The following FOCAD variants were observed in gnomAD, a reference collection of about 807,000 sequenced individuals.
FOCAD encodes the protein focadhesin.
Under a neutral mutation model 225.6 loss-of-function variants are expected in FOCAD, and 198 were observed. The observed-to-expected ratio is 0.88, with a 90% CI of 0.78 to 0.99. The LOEUF (loss-of-function observed/expected upper bound fraction) is 0.99. FOCAD is among the 50% of genes least tolerant of loss of function. The probability of loss-of-function intolerance (pLI) is 0.00; values close to 1 mark genes in which losing one functional copy is unlikely to be tolerated. For synonymous variants in FOCAD, 897 were observed against 755.0 expected, an observed-to-expected ratio of 1.19 and a Z score of -3.08; for missense variants, 2,713 against 2,123.6, an observed-to-expected ratio of 1.28 and a Z score of -5.46.
At chr9:20,947,827 G>A (rs1837324255) in intron 30 of FOCAD, among the ~76,000 whole-genome samples, 1 of 151,980 alleles carries the variant, frequency 6.6e-6, no homozygotes, top group Non-Finnish European at 1.5e-5. Flanking sequence ...CTGTTTTATG[G>A]TTATATACCC....
chr9:20,959,624 G>C (rs1450929744), intron 35 of FOCAD, among the ~76,000 whole-genome samples: 1 of 152,006 alleles, frequency 6.6e-6, no homozygotes, highest in Non-Finnish European at 1.5e-5. Context: ...GTGTCCTGAA[G>C]CATTTCTCCT....
intron 24 of FOCAD, among the ~76,000 whole-genome samples, chr9:20,919,945 A>G (rs1164494434): frequency 3.9e-5 from 6 of 151,968 alleles, no homozygotes; most frequent in Admixed American, 3.9e-4. Flanking sequence ...TGGCAACAAA[A>G]GCCAAAATTG....
intron 11 of FOCAD, among the ~76,000 whole-genome samples, chr9:20,814,182 A>G (rs1204355194): frequency 1.3e-5 from 2 of 152,110 alleles, no homozygotes; most frequent in East Asian, 1.9e-4. Flanking sequence ...ATCCATTTAC[A>G]TTGAAAGTAC....
chr9:20,922,225 G>C (rs1391956587), intron 24 of FOCAD, among the ~76,000 whole-genome samples: 1 of 152,138 alleles, frequency 6.6e-6, no homozygotes, highest in Non-Finnish European at 1.5e-5. Context: ...AACCCAGGTT[G>C]GGGCCATCTG....
upstream of FOCAD, among the ~76,000 whole-genome samples, chr9:20,655,920 A>G (rs1821469438): frequency 6.6e-6 from 1 of 152,060 alleles, no homozygotes; most frequent in Non-Finnish European, 1.5e-5. Flanking sequence ...ATTTAGTGCT[A>G]TAAATTTCCC....
rs148762677 is a variant in FOCAD at position 20,817,794 on chromosome 9, A to G, written c.1456-2002A>G. On this transcript the variant is annotated intron_variant, in intron 11 of 43. Transcript: ENST00000338382. Reference sequence around the variant, plus strand: ...ATTTTGTTTATTCATCAGTTGATGGACATTGGGTTGTTTCCACTTTTTGGC... The same window carrying G: ...ATTTTGTTTATTCATCAGTTGATGGGCATTGGGTTGTTTCCACTTTTTGGC... Among the ~76,000 whole-genome samples the G allele has an allele frequency of 4.6e-5, 7 of 152,194 alleles. No homozygotes were observed. The East Asian group carries it at 1.4e-3, about 30-fold the overall frequency.
At chr9:20,706,908 C>A (rs756944827) in intron 1 of FOCAD, among the ~76,000 whole-genome samples, 5 of 152,168 alleles carry the variant, frequency 3.3e-5, no homozygotes, top group African/African-American at 1.2e-4. Context: ...TCTTCATGTG[C>A]GTGGTTGTGT....
At chr9:20,889,379 G>A (rs989806427) in intron 21 of FOCAD, among the ~76,000 whole-genome samples, 1 of 152,072 alleles carries the variant, frequency 6.6e-6, no homozygotes. Flanking sequence ...CCATCTTTCA[G>A]CTAATGGATC....
intron 2 of FOCAD, among the ~76,000 whole-genome samples, chr9:20,678,455 A>G (rs28606656): frequency 0.21 from 32,567 of 152,062 alleles, 3,786 homozygotes; most frequent in African/African-American, 0.31. Flanking sequence ...CTAGGAAACC[A>G]CAGGATCCTG....
At chr9:20,710,897 G>T (rs12376200) in intron 1 of FOCAD, among the ~76,000 whole-genome samples, 1 of 152,122 alleles carries the variant, frequency 6.6e-6, no homozygotes, top group Admixed American at 6.5e-5. Context: ...ATAGTTTTAT[G>T]TACTGGGAGT....
At position 20,961,379 on chromosome 9, in the gene FOCAD, A is replaced by G. The variant is rs530401625; in HGVS notation, c.4132+8314A>G. On this transcript the variant is annotated intron_variant, in intron 35 of 43. Transcript: ENST00000338382. ...TGTGTCCTTTTGACATGACCCCCTC[A>G]TTCTTTGACTGCTTCCTTTGTGGCA... Among the ~76,000 whole-genome samples the G allele has an allele frequency of 5.2e-4, 79 of 152,198 alleles. 1 individual carries two copies. The highest frequency in any genetic ancestry group is 1.8e-3 in the African/African-American group (76 of 41,520).
chr9:20,788,136 A>C (rs868899), intron 10 of FOCAD, among the ~76,000 whole-genome samples: 1 of 152,160 alleles, frequency 6.6e-6, no homozygotes. Flanking sequence ...ATTTGGCAAT[A>C]AAAAGAAATG....
intron 20 of FOCAD, among the ~76,000 whole-genome samples, chr9:20,884,315 T>C (rs914775698): frequency 2.6e-5 from 4 of 152,196 alleles, no homozygotes; most frequent in African/African-American, 9.6e-5. Flanking sequence ...CGTTTATATT[T>C]TGAGACAGAG....
chr9:20,966,522 A>G (rs1839270935), intron 35 of FOCAD, among the ~76,000 whole-genome samples: 1 of 152,152 alleles, frequency 6.6e-6, no homozygotes, highest in Non-Finnish European at 1.5e-5. Flanking sequence ...TAACTTCGAC[A>G]GAGTCCAATT....
Position 20,791,607 on chromosome 9 carries a change from C to G in FOCAD, c.1455+1999C>G, listed in dbSNP as rs889719197. 2.0e-5 allele frequency among the ~76,000 whole-genome samples: 3 copies of G among 152,066 alleles called. No individual in the cohort carries two copies. The South Asian group carries it at 6.2e-4, about 32-fold the overall frequency. ...TTCCTCTGTGAATTAGCTGGAAGCCCAAAGCCTTATAACCTTATATTCAAA... is the reference window on the plus strand; with the variant it reads ...TTCCTCTGTGAATTAGCTGGAAGCCGAAAGCCTTATAACCTTATATTCAAA... On this transcript the variant is annotated intron_variant, in intron 11 of 43. Transcript: ENST00000338382.
At position 20,716,981 on chromosome 9, in the gene FOCAD, A is replaced by G. The variant is rs186258921; in HGVS notation, c.58-813A>G. 4.5e-4 allele frequency among the ~76,000 whole-genome samples: 68 copies of G among 152,352 alleles called. No individual in the cohort carries two copies. The East Asian group carries it at 0.011, about 25-fold the overall frequency. ...CAACTTGCAATTCCTGGTCAGTTCC[A>G]TTCAATGAAATATGGTATGTTTTGT... On this transcript the variant is annotated intron_variant, in intron 2 of 43. Coordinates refer to ENST00000338382, the MANE Select transcript of FOCAD (RefSeq NM_001375567.1).
intron 2 of FOCAD, among the ~76,000 whole-genome samples, chr9:20,675,611 C>T (rs577044328): frequency 6.6e-5 from 10 of 152,134 alleles, no homozygotes; most frequent in African/African-American, 1.9e-4. Context: ...AGAGTTGAAA[C>T]CAAAGTAATT....
intron 5 of FOCAD, among the ~76,000 whole-genome samples, chr9:20,749,958 A>G (rs541304737): frequency 6.6e-6 from 1 of 152,266 alleles, no homozygotes; most frequent in South Asian, 2.1e-4. Context: ...GGAACCATGC[A>G]TTTATCATTC....
At chr9:20,659,440 A>AGAAAGAAAGAAAGAAAGAC (rs147459649) in intron 2 of FOCAD, among the ~76,000 whole-genome samples, 6 of 145,188 alleles carry the variant, frequency 4.1e-5, no homozygotes, top group Middle Eastern at 3.4e-3. Flanking sequence ...GAAAGAAAGA[A>AGAAAGAAAGAAAGAAAGAC]AGACAGACAG....
Sources: allele counts gnomAD v4.1 joint callset (sites outside exome capture counted in the v4.1 genomes callset), GRCh38; gene constraint gnomAD v4.1.1; transcripts MANE v1.5; gene names NCBI Gene and HGNC (gene_info 2026-07-23, HGNC 2026-07-21).